The following PIK3R5 variants were observed in gnomAD, a reference collection of about 807,000 sequenced individuals.
PIK3R5 encodes phosphoinositide 3-kinase regulatory subunit 5.
In PIK3R5, 32 loss-of-function variants were observed where a neutral mutation model predicts 94.9. The ratio of observed to expected loss-of-function variants is 0.34; its 90% CI spans 0.25 to 0.45. PIK3R5 has a LOEUF of 0.45. Among genes scored for constraint, PIK3R5 ranks in the 20% least tolerant of loss-of-function variants. PIK3R5 has a pLI of 1.00. For synonymous variants in PIK3R5, 443 were observed against 479.4 expected (o/e 0.92, Z 0.99); for missense variants, 853 against 1,144.6 (o/e 0.75, Z 3.68).
chr17:8,947,302 G>A (rs1278414285), intron 1 of PIK3R5, among the ~76,000 whole-genome samples: 1 of 152,216 alleles, frequency 6.6e-6, no homozygotes, highest in Non-Finnish European at 1.5e-5. Context: ...TGATGAGGAA[G>A]ATTACTGTCC....
intron 1 of PIK3R5, among the ~76,000 whole-genome samples, chr17:8,924,054 TC>T (rs1234402074): frequency 1.1e-3 from 16 of 15,160 alleles, no homozygotes; most frequent in African/African-American, 4.6e-3. Flanking sequence ...TCCCCTCCCC[TC>T]CCCCCCTCCC....
chr17:8,959,844 G>A (rs1056583908), intron 1 of PIK3R5, among the ~76,000 whole-genome samples: 7 of 152,186 alleles, frequency 4.6e-5, no homozygotes, highest in African/African-American at 1.2e-4. Flanking sequence ...CCAGAACAGC[G>A]GCTCCTAAGA....
intron 15 of PIK3R5, among the ~76,000 whole-genome samples, chr17:8,883,871 G>A (rs1200674421): frequency 1.3e-5 from 2 of 152,204 alleles, no homozygotes; most frequent in Non-Finnish European, 2.9e-5. Flanking sequence ...TGCCTGGGCT[G>A]TGGAAGACGT....
chr17:8,962,416 A>G (rs554925753), intron 1 of PIK3R5, among the ~76,000 whole-genome samples: 1 of 152,390 alleles, frequency 6.6e-6, no homozygotes, highest in Admixed American at 6.5e-5. Flanking sequence ...CTACATTTAT[A>G]AATGCAAGCA....
At position 8,901,030 on chromosome 17, in the gene PIK3R5, C is replaced by T. The variant is rs144530218; in HGVS notation, c.412+3747G>A. Among the ~76,000 whole-genome samples the T allele has an allele frequency of 1.5e-3, 230 of 152,282 alleles. 2 individuals are homozygous for T. Among genetic ancestry groups the T allele is most frequent in the African/African-American group, 5.2e-3 (218 of 41,548 alleles). Reference sequence around the variant, plus strand: ...TTTAAATTCTTTCTCTGAGCGTACTCGAAAGGAAGAAAGGCATTGCCTCCT... The same window carrying T: ...TTTAAATTCTTTCTCTGAGCGTACTTGAAAGGAAGAAAGGCATTGCCTCCT... On this transcript the variant is annotated intron_variant, in intron 5 of 18. Transcript: ENST00000447110.
Position 8,905,665 on chromosome 17 carries a change from T to C in PIK3R5, c.273+4A>G. 6.3e-7 allele frequency: 1 copy of C among 1,596,708 alleles called. No individual in the cohort carries two copies. Among genetic ancestry groups the C allele is most frequent in the South Asian group, 1.1e-5 (1 of 87,812 alleles). ...CTCCAGCATCCTGGCCCACGTGGAC[T>C]TACACAAAGAACAGTGGAATAGAAG... On this transcript the variant is annotated splice_donor_region_variant and intron_variant, in intron 4 of 18. Transcript: ENST00000447110.
Position 8,890,677 on chromosome 17 carries a change from G to GCTA in PIK3R5, c.657+60_657+61insTAG. On this transcript the variant is annotated intron_variant, in intron 7 of 18. Coordinates refer to ENST00000447110, the MANE Select transcript of PIK3R5 (RefSeq NM_001142633.3). This position sits in a 1 kb window ranked among gnomAD's most constrained non-coding sequence, Gnocchi z 6.1. Reference sequence around the variant, plus strand: ...GGAGACCGTGGCTGAGATGAAGCAGGGAGAGGGTGCTACCTCCTCAGAGAG... The same window carrying GCTA: ...GGAGACCGTGGCTGAGATGAAGCAGGCTAGAGAGGGTGCTACCTCCTCAGAGAG... 3.5e-6 allele frequency: 5 copies of GCTA among 1,415,490 alleles called. No homozygotes were observed. Among genetic ancestry groups the GCTA allele is most frequent in the Non-Finnish European group, 4.8e-6 (5 of 1,034,062 alleles). The allele number at this position is 1,415,490 out of a possible 1,614,324, so 87.7% of individuals were successfully genotyped here.
rs768099176 is a variant in PIK3R5, at chr17:8,909,065, C to T, written c.204+9G>A. 6.4e-6 allele frequency: 10 copies of T among 1,568,574 alleles called. No homozygotes were observed. In the Admixed American group the frequency reaches 1.5e-4, roughly 24 times the overall value. Reference sequence around the variant, plus strand: ...CAGATCTGCCCTTCAATTCCTGACTCCCCCTCACCTCTCGGGTCTTCTGCA... The same window carrying T: ...CAGATCTGCCCTTCAATTCCTGACTTCCCCTCACCTCTCGGGTCTTCTGCA... On this transcript the variant is annotated intron_variant, in intron 3 of 18. Coordinates refer to ENST00000447110, the MANE Select transcript of PIK3R5 (RefSeq NM_001142633.3). This position sits in a 1 kb window ranked among gnomAD's most constrained non-coding sequence, Gnocchi z 4.3.
chr17:8,930,940 A>G (rs187569204), intron 1 of PIK3R5, among the ~76,000 whole-genome samples: 49 of 152,334 alleles, frequency 3.2e-4, no homozygotes, highest in Admixed American at 1.0e-3. Flanking sequence ...GGTGATAGCA[A>G]TATTCTATAT....
intron 1 of PIK3R5, among the ~76,000 whole-genome samples, chr17:8,913,435 G>A (rs956887296): frequency 5.9e-5 from 9 of 152,320 alleles, no homozygotes; most frequent in East Asian, 1.9e-4. Context: ...GGCTGGGTGC[G>A]GTGGCTCATG....
At chr17:8,938,094 A>C (rs529879024) in intron 1 of PIK3R5, among the ~76,000 whole-genome samples, 1 of 152,178 alleles carries the variant, frequency 6.6e-6, no homozygotes, top group Non-Finnish European at 1.5e-5. Context: ...TCCACATGTG[A>C]GCCACCGCAC....
chr17:8,936,555 A>G (rs1187266070), intron 1 of PIK3R5, among the ~76,000 whole-genome samples: 5 of 152,172 alleles, frequency 3.3e-5, no homozygotes, highest in Non-Finnish European at 5.9e-5. Context: ...AGCAATATGC[A>G]TGCACTTAAG....
chr17:8,949,956 T>A (rs2091346969), intron 1 of PIK3R5, among the ~76,000 whole-genome samples: 1 of 152,176 alleles, frequency 6.6e-6, no homozygotes, highest in Admixed American at 6.5e-5. Flanking sequence ...CATGTCTGAG[T>A]CCACCAGTCC....
At chr17:8,933,973 A>T (rs896642347) in intron 1 of PIK3R5, among the ~76,000 whole-genome samples, 9 of 152,268 alleles carry the variant, frequency 5.9e-5, no homozygotes, top group African/African-American at 2.2e-4. Context: ...ATCTATGAAA[A>T]ATCTACAGTT....
chr17:8,897,080 C>T (rs1000172478), intron 5 of PIK3R5, among the ~76,000 whole-genome samples: 1 of 152,198 alleles, frequency 6.6e-6, no homozygotes, highest in South Asian at 2.1e-4. Context: ...CCATGTATAG[C>T]GCCTTCCTGC....
At position 8,896,826 on chromosome 17, in the gene PIK3R5, G is replaced by T. The variant is rs1406644064; in HGVS notation, c.413-3171C>A. 6.6e-6 allele frequency among the ~76,000 whole-genome samples: 1 copy of T among 152,184 alleles called. No homozygotes were observed. ...GGGGAGGCAGGGAGCAACCACATCT[G>T]ACTCAGTTTCCTCCTACAAGGGGAA... On this transcript the variant is annotated intron_variant, in intron 5 of 18. Transcript: ENST00000447110. This position sits in a 1 kb window ranked among gnomAD's most constrained non-coding sequence, Gnocchi z 4.0.
chr17:8,890,606 C>T lies in PIK3R5; in HGVS notation c.657+132G>A, dbSNP rs2089998265. ...CCCTCTATGAGGTCAGCCCTCCAGC[C>T]ACCACCCTGCCATGTCACCTGGGTG... On this transcript the variant is annotated intron_variant, in intron 7 of 18. Coordinates refer to ENST00000447110, the MANE Select transcript of PIK3R5 (RefSeq NM_001142633.3). The surrounding 1 kb of genome is among the most constrained non-coding windows in gnomAD (Gnocchi z 6.1). The T allele has an allele frequency of 1.2e-6, 1 of 825,658 alleles. No individual in the cohort carries two copies. Among genetic ancestry groups the T allele is most frequent in the Non-Finnish European group, 1.8e-6 (1 of 541,350 alleles). The allele number at this position is 825,658 out of a possible 1,614,324, so 51.1% of individuals were successfully genotyped here. A position where few individuals can be genotyped will look rare whatever the true frequency, so the allele number is the denominator to read the frequency against.
At chr17:8,963,358 C>T (rs2091599202) in intron 1 of PIK3R5, among the ~76,000 whole-genome samples, 1 of 152,104 alleles carries the variant, frequency 6.6e-6, no homozygotes, top group Non-Finnish European at 1.5e-5. Context: ...GATCCTGGCT[C>T]TCCTCCTCTC....
In PIK3R5 at chr17:8,909,197, G is replaced by T; in HGVS notation, c.104-23C>A. 1 of 1,485,056 alleles carries T rather than the reference G, an allele frequency of 6.7e-7. No homozygotes were observed. The highest frequency in any genetic ancestry group is 9.3e-7 in the Non-Finnish European group (1 of 1,080,670). The allele number at this position is 1,485,056 out of a possible 1,614,324, so 92.0% of individuals were successfully genotyped here. On this transcript the variant is annotated intron_variant, in intron 2 of 18. Coordinates refer to ENST00000447110, the MANE Select transcript of PIK3R5 (RefSeq NM_001142633.3). This position sits in a 1 kb window ranked among gnomAD's most constrained non-coding sequence, Gnocchi z 4.3. ...CAGCTGGAAAAGGAGAGAGAGGCAA[G>T]GGGTCAGTTCTGGTGTCTTCCAGTC... is the stretch of plus-strand genomic sequence containing the variant.
Sources: allele counts gnomAD v4.1 joint callset (sites outside exome capture counted in the v4.1 genomes callset), GRCh38; gene constraint gnomAD v4.1.1; non-coding constraint Gnocchi (gnomAD v3.1); transcripts MANE v1.5; gene names NCBI Gene and HGNC (gene_info 2026-07-23, HGNC 2026-07-21).